DOCK2: variants seen among roughly 807,000 people sequenced by gnomAD.
DOCK2 encodes dedicator of cytokinesis 2, also known as dedicator of cytokinesis protein 2.
In DOCK2, 87 loss-of-function variants were observed where a neutral mutation model predicts 248.9. The observed-to-expected ratio is 0.35, with a 90% CI of 0.29 to 0.42. The LOEUF (loss-of-function observed/expected upper bound fraction) is 0.42, where lower values mean the gene tolerates loss of function less well. Ranked by LOEUF, DOCK2 falls within the 10% of genes least tolerant of loss-of-function variation. The probability of loss-of-function intolerance (pLI) is 1.00; values close to 1 mark genes in which losing one functional copy is unlikely to be tolerated. For missense variants in DOCK2, 1,747 were observed against 2,300.2 expected, an observed-to-expected ratio of 0.76 and a Z score of 4.92; for synonymous variants, 805 against 821.6, an observed-to-expected ratio of 0.98 and a Z score of 0.35.
chr5:169,942,949 G>A (rs1377755760), intron 27 of DOCK2, among the ~76,000 whole-genome samples: 1 of 152,206 alleles, frequency 6.6e-6, no homozygotes, highest in Non-Finnish European at 1.5e-5. Context: ...TTAAATGAGA[G>A]ACTCTATGTA....
intron 27 of DOCK2, among the ~76,000 whole-genome samples, chr5:169,859,423 G>T (rs181951006): frequency 1.8e-4 from 27 of 152,354 alleles, no homozygotes; most frequent in Admixed American, 1.6e-3. Flanking sequence ...AATGCTGACA[G>T]TGTTGGATTA....
At chr5:170,046,014 A>G in intron 39 of DOCK2, 109 bp downstream of exon 39, 1 of 1,005,692 alleles carries the variant, frequency 9.9e-7, no homozygotes, top group Non-Finnish European at 1.6e-6. Flanking sequence ...GGGTTAGGGA[A>G]ATAGAAAATG....
rs562515124 is a variant in DOCK2 at position 169,891,761 on chromosome 5, G to A, written c.2799+50909G>A. Reference sequence around the variant, plus strand: ...GCACTTTGGGAGGTCAAGGCAGGTGGATCACAAGGTCAGGAGTTCAAGACC... The same window carrying A: ...GCACTTTGGGAGGTCAAGGCAGGTGAATCACAAGGTCAGGAGTTCAAGACC... On this transcript the variant is annotated intron_variant, in intron 27 of 51. Transcript: ENST00000520908. 2.7e-5 allele frequency among the ~76,000 whole-genome samples: 4 copies of A among 149,216 alleles called. No homozygotes were observed. In the South Asian group the frequency reaches 6.2e-4, roughly 23 times the overall value.
chr5:169,671,671 A>T (rs555177004), intron 5 of DOCK2, among the ~76,000 whole-genome samples: 142 of 152,344 alleles, frequency 9.3e-4, no homozygotes, highest in Middle Eastern at 3.4e-3. Flanking sequence ...AAGCAAATCT[A>T]ATTTTAAATC....
intron 27 of DOCK2, among the ~76,000 whole-genome samples, chr5:169,895,656 A>G (rs1294628620): frequency 6.6e-6 from 1 of 152,040 alleles, no homozygotes; most frequent in Non-Finnish European, 1.5e-5. Context: ...ACAGCCCCCG[A>G]GAGCAGGGTG....
At chr5:170,008,843 G>C in intron 32 of DOCK2, 97 bp downstream of exon 32, 1 of 1,416,286 alleles carries the variant, frequency 7.1e-7, no homozygotes, top group Non-Finnish European at 1.0e-6. Flanking sequence ...TTAGCAGTGG[G>C]AGCATGAAAT....
At chr5:169,701,135 T>G (rs1487739382) in intron 13 of DOCK2, among the ~76,000 whole-genome samples, 1 of 152,230 alleles carries the variant, frequency 6.6e-6, no homozygotes, top group Non-Finnish European at 1.5e-5. Flanking sequence ...TCTGTCTTGC[T>G]TCTACTTCCT....
At chr5:169,864,777 A>G (rs986580327) in intron 27 of DOCK2, among the ~76,000 whole-genome samples, 2 of 152,182 alleles carry the variant, frequency 1.3e-5, no homozygotes, top group African/African-American at 2.4e-5. Flanking sequence ...GGCATGTGTT[A>G]TGCATGAAAA....
At chr5:169,931,770 C>T (rs903315453) in intron 27 of DOCK2, among the ~76,000 whole-genome samples, 6 of 152,170 alleles carry the variant, frequency 3.9e-5, no homozygotes, top group Admixed American at 3.9e-4. Flanking sequence ...GATGGAAGCA[C>T]AGCCAAGTGG....
At chr5:170,057,186 A>G in intron 43 of DOCK2, 1 of 371,140 alleles carries the variant, frequency 2.7e-6, no homozygotes, top group South Asian at 2.4e-5. Flanking sequence ...GACTGGATTA[A>G]GGAGGTGTCT....
rs770906402 is a variant in DOCK2 at position 169,714,161 on chromosome 5, A to T, written c.1793A>T (p.Asp598Val). The T allele has an allele frequency of 4.0e-5, 64 of 1,613,306 alleles. No homozygotes were observed. Among genetic ancestry groups the T allele is most frequent in the Non-Finnish European group, 5.3e-5 (63 of 1,179,626 alleles). Residue 598 changes from aspartate (D) to valine (V), a missense_variant, in exon 18 of 52, where the codon GAT becomes GTT. Transcript: ENST00000520908. The part of the protein sequence containing the change: ...SVGGLSVSSR[D>V]VFSISTLVCS... The stretch of plus-strand genomic sequence containing the variant: ...GGGGGGCTTTCTGTCAGCTCCCGGG[A>T]TGTGTTCTCCATTTCCACCCTGGTG...
At chr5:169,975,882 A>T (rs1280820004) in intron 27 of DOCK2, among the ~76,000 whole-genome samples, 1 of 152,210 alleles carries the variant, frequency 6.6e-6, no homozygotes, top group Admixed American at 6.5e-5. Context: ...TGCCTGGCAC[A>T]TAGTAGGTGC....
chr5:169,777,321 G>T lies in DOCK2; in HGVS notation c.2554+15696G>T, dbSNP rs113041242. 5.6e-3 allele frequency among the ~76,000 whole-genome samples: 848 copies of T among 152,290 alleles called. 13 individuals are homozygous for T. Among genetic ancestry groups the T allele is most frequent in the African/African-American group, 0.018 (753 of 41,562 alleles). ...ACTCCGCCGTTATCCTTGATGGCAG[G>T]GGGTGTGTCTGTGTGTGGACGTTCC... is the stretch of plus-strand genomic sequence containing the variant. On this transcript the variant is annotated intron_variant, in intron 25 of 51. Coordinates refer to ENST00000520908, the MANE Select transcript of DOCK2 (RefSeq NM_004946.3).
At chr5:169,671,017 G>A in intron 4 of DOCK2, 61 bp from the exon 5 acceptor site, 6 of 1,493,354 alleles carry the variant, frequency 4.0e-6, no homozygotes, top group Non-Finnish European at 5.6e-6. Context: ...ATTTGTTGGT[G>A]TTTTATCTTG....
intron 2 of DOCK2, 89 bp from the exon 3 acceptor site, chr5:169,669,199 A>G (rs1343708974): frequency 1.3e-6 from 2 of 1,527,140 alleles, no homozygotes; most frequent in Admixed American, 3.4e-5. Context: ...TAGTTTTACT[A>G]GTTTAAAACA....
intron 27 of DOCK2, among the ~76,000 whole-genome samples, chr5:169,977,452 C>T (rs1043787265): frequency 7.2e-5 from 11 of 152,144 alleles, no homozygotes; most frequent in African/African-American, 2.4e-4. Flanking sequence ...GAGGGCTTTC[C>T]GTATTCTAAG....
At chr5:169,798,408 T>A (rs1267444565) in intron 25 of DOCK2, among the ~76,000 whole-genome samples, 1 of 152,212 alleles carries the variant, frequency 6.6e-6, no homozygotes, top group African/African-American at 2.4e-5. Flanking sequence ...CTTAGTTCAA[T>A]TTTAAGTGGG....
chr5:169,836,671 A>G (rs1769598721), intron 26 of DOCK2, among the ~76,000 whole-genome samples: 1 of 150,562 alleles, frequency 6.6e-6, no homozygotes, highest in African/African-American at 2.4e-5. Context: ...AAACAAAACA[A>G]TGTCATTAAG....
intron 44 of DOCK2, among the ~76,000 whole-genome samples, chr5:170,067,078 C>T (rs1311311566): frequency 6.6e-6 from 1 of 152,118 alleles, no homozygotes; most frequent in Admixed American, 6.5e-5. Flanking sequence ...ACAGTGAACC[C>T]CTCTAACAAC....
Sources: allele counts gnomAD v4.1 joint callset (sites outside exome capture counted in the v4.1 genomes callset), GRCh38; gene constraint gnomAD v4.1.1; transcripts MANE v1.5; gene names NCBI Gene and HGNC (gene_info 2026-07-23, HGNC 2026-07-21).